Variants in CSMD1 observed in about 807,000 individuals in gnomAD.
CSMD1 encodes the protein CUB and Sushi multiple domains 1.
In CSMD1, 213 loss-of-function variants were observed where a neutral mutation model predicts 417.5. That is an observed-to-expected ratio of 0.51 (90% CI 0.46 to 0.57). The LOEUF is 0.57. Among genes scored for constraint, CSMD1 ranks in the 20% least tolerant of loss-of-function variants. The probability of loss-of-function intolerance (pLI) is 0.00; values close to 1 mark genes in which losing one functional copy is unlikely to be tolerated. For synonymous variants in CSMD1, 2,862 were observed against 1,736.8 expected (o/e 1.65, Z -16.11); for missense variants, 6,923 against 4,529.7 (o/e 1.53, Z -15.17).
At chr8:4,675,395 T>C (rs1053960521) in intron 1 of CSMD1, among the ~76,000 whole-genome samples, 1 of 152,196 alleles carries the variant, frequency 6.6e-6, no homozygotes, top group Non-Finnish European at 1.5e-5. Context: ...AAGTTTATCA[T>C]TTCTGAGCTG....
chr8:3,153,117 C>T lies in CSMD1; in HGVS notation c.5915-1604G>A, dbSNP rs144715627. Among the ~76,000 whole-genome samples, 24 of 152,308 alleles carry T rather than the reference C, an allele frequency of 1.6e-4. No homozygotes were observed. The East Asian group carries it at 1.9e-3, about 12-fold the overall frequency. ...ACAAATACCTTGCTGACAAAACAGG[C>T]TGCAGTAAAGAAACCGGCTAAACCC... On this transcript the variant is annotated intron_variant, in intron 39 of 69. Transcript: ENST00000635120.
chr8:4,105,659 T>C (rs1258265637), intron 3 of CSMD1, among the ~76,000 whole-genome samples: 2 of 152,244 alleles, frequency 1.3e-5, no homozygotes, highest in Non-Finnish European at 2.9e-5. Flanking sequence ...ACGTGGTTTC[T>C]GACCCCATTA....
intron 12 of CSMD1, among the ~76,000 whole-genome samples, chr8:3,441,455 C>T (rs1814979361): frequency 6.6e-6 from 1 of 150,490 alleles, no homozygotes; most frequent in Non-Finnish European, 1.5e-5. Flanking sequence ...TTCATTCCTA[C>T]AAGGAAAACA....
intron 23 of CSMD1, among the ~76,000 whole-genome samples, chr8:3,324,992 A>G (rs761681008): frequency 3.3e-5 from 5 of 152,220 alleles, no homozygotes; most frequent in Non-Finnish European, 7.3e-5. Flanking sequence ...AAAAAAAAGC[A>G]TTTGTTGTAG....
chr8:4,196,339 T>G (rs1799339424), intron 3 of CSMD1, among the ~76,000 whole-genome samples: 1 of 152,232 alleles, frequency 6.6e-6, no homozygotes, highest in African/African-American at 2.4e-5. Context: ...ATAGAGCGGC[T>G]TAAGAGAATA....
chr8:3,441,503 A>G (rs892992268), intron 12 of CSMD1, among the ~76,000 whole-genome samples: 31 of 108,166 alleles, frequency 2.9e-4, no homozygotes, highest in Admixed American at 1.3e-3. Flanking sequence ...ATATATATAT[A>G]TATATATACA....
intron 4 of CSMD1, among the ~76,000 whole-genome samples, chr8:4,005,226 C>G (rs1192105824): frequency 6.6e-6 from 1 of 152,108 alleles, no homozygotes; most frequent in Non-Finnish European, 1.5e-5. Context: ...TCTCAGAAAT[C>G]ACCACTGAAG....
At chr8:4,137,883 T>C (rs1051567926) in intron 3 of CSMD1, among the ~76,000 whole-genome samples, 1 of 151,766 alleles carries the variant, frequency 6.6e-6, no homozygotes, top group Admixed American at 6.6e-5. Flanking sequence ...TTAATTAATT[T>C]ATTTATTTAC....
chr8:3,705,815 G>T (rs527657050), intron 7 of CSMD1, among the ~76,000 whole-genome samples: 4 of 152,292 alleles, frequency 2.6e-5, no homozygotes, highest in African/African-American at 9.6e-5. Flanking sequence ...GGGTGAAGCA[G>T]AAGTGGAGAG....
chr8:4,962,653 C>G (rs1809584725), intron 1 of CSMD1, among the ~76,000 whole-genome samples: 1 of 152,114 alleles, frequency 6.6e-6, no homozygotes, highest in African/African-American at 2.4e-5. Flanking sequence ...TCAATTTATT[C>G]AGTGAAGAAT....
At chr8:3,115,160 C>A (rs1293962777) in intron 42 of CSMD1, among the ~76,000 whole-genome samples, 1 of 150,474 alleles carries the variant, frequency 6.6e-6, no homozygotes, top group Non-Finnish European at 1.5e-5. Flanking sequence ...GTTAATAAAC[C>A]AAATTCTACT....
chr8:4,948,359 T>C (rs929164459), intron 1 of CSMD1, among the ~76,000 whole-genome samples: 2 of 152,092 alleles, frequency 1.3e-5, no homozygotes, highest in African/African-American at 4.8e-5. Flanking sequence ...CACATTTTTT[T>C]CTTAGAATAA....
intron 49 of CSMD1, among the ~76,000 whole-genome samples, chr8:3,071,147 C>A (rs1021242594): frequency 7.9e-5 from 12 of 152,208 alleles, no homozygotes; most frequent in Admixed American, 4.6e-4. Context: ...AGGATCCACC[C>A]GCTTGATCCA....
intron 13 of CSMD1, among the ~76,000 whole-genome samples, chr8:3,408,997 G>C (rs1424148902): frequency 6.6e-6 from 1 of 152,146 alleles, no homozygotes; most frequent in Admixed American, 6.5e-5. Context: ...GAAGTGGGCA[G>C]CTCATCAACT....
intron 5 of CSMD1, among the ~76,000 whole-genome samples, chr8:3,840,777 C>G (rs905276931): frequency 6.6e-6 from 1 of 150,470 alleles, no homozygotes; most frequent in Non-Finnish European, 1.5e-5. Context: ...TTCACTGCAA[C>G]GTCCGCCTCC....
At chr8:3,223,689 A>G (rs1198761484) in intron 28 of CSMD1, 40 bp downstream of exon 28, 1 of 1,605,342 alleles carries the variant, frequency 6.2e-7, no homozygotes, top group Admixed American at 1.7e-5. Flanking sequence ...TATGGAATTA[A>G]AAATCCTACT....
chr8:3,023,501 C>T (rs962264776), intron 51 of CSMD1, among the ~76,000 whole-genome samples: 1 of 152,128 alleles, frequency 6.6e-6, no homozygotes, highest in African/African-American at 2.4e-5. Context: ...TCAATTTTAA[C>T]TTTCTCTTAT....
intron 10 of CSMD1, among the ~76,000 whole-genome samples, chr8:3,568,423 A>G (rs1446328208): frequency 2.0e-5 from 3 of 152,224 alleles, no homozygotes; most frequent in Non-Finnish European, 2.9e-5. Context: ...ACAAAGAAAA[A>G]GAAAACTAAA....
At chr8:3,540,272 C>T (rs1426217806) in intron 10 of CSMD1, among the ~76,000 whole-genome samples, 1 of 152,164 alleles carries the variant, frequency 6.6e-6, no homozygotes, top group South Asian at 2.1e-4. Context: ...AAACAACCTC[C>T]TCATTTGGCA....
Sources: allele counts gnomAD v4.1 joint callset (sites outside exome capture counted in the v4.1 genomes callset), GRCh38; gene constraint gnomAD v4.1.1; transcripts MANE v1.5; gene names NCBI Gene and HGNC (gene_info 2026-07-23, HGNC 2026-07-21).